PLEKHA5: variants seen among roughly 807,000 people sequenced by gnomAD.
The protein encoded by PLEKHA5 is pleckstrin homology domain containing A5.
A neutral mutation model predicts 181.9 loss-of-function variants in PLEKHA5; 55 were observed. That is an observed-to-expected ratio of 0.30 (90% CI 0.24 to 0.38). The LOEUF is 0.38. Ranked by LOEUF, PLEKHA5 falls within the 10% of genes least tolerant of loss-of-function variation. The probability of loss-of-function intolerance (pLI) is 1.00; values close to 1 mark genes in which losing one functional copy is unlikely to be tolerated. For synonymous variants in PLEKHA5, 535 were observed against 529.4 expected (o/e 1.01, Z -0.15); for missense variants, 1,432 against 1,549.5 (o/e 0.92, Z 1.27).
intron 11 of PLEKHA5, among the ~76,000 whole-genome samples, chr12:19,275,666 G>A (rs1196728750): frequency 6.6e-6 from 1 of 152,082 alleles, no homozygotes; most frequent in Admixed American, 6.6e-5. Flanking sequence ...CTTGGGGGAA[G>A]TTGAAGTGGG....
intron 25 of PLEKHA5, among the ~76,000 whole-genome samples, chr12:19,349,806 A>G (rs2094506247): frequency 1.3e-5 from 2 of 151,262 alleles, no homozygotes; most frequent in Admixed American, 1.3e-4. Flanking sequence ...GTGAAACCCC[A>G]TCTCTACTAA....
chr12:19,365,984 C>T lies in PLEKHA5; in HGVS notation c.3629C>T (p.Thr1210Ile), dbSNP rs754677771. The change falls in exon 30 of 32, where the codon ACC becomes ATC. Residue 1210 changes from threonine (T) to isoleucine (I), a missense_variant. Physicochemically the swap from Thr to Ile is moderately conservative, Grantham distance 89 (BLOSUM62 -1). Around this residue, in one of 2 missense-constraint regions of PLEKHA5, gnomAD observed 1,143 missense variants for 1,168.4 expected, o/e 0.98. Coordinates refer to ENST00000429027, the MANE Select transcript of PLEKHA5 (RefSeq NM_001256470.2). ...VTFSPQDETQ[T>I]ANHKPEEHPE... ...ATCAGCCCTCAAGATGAAACACAGACCGCAAATCATAAACCAGAAGAGCAT... is the reference window on the plus strand; with the variant it reads ...ATCAGCCCTCAAGATGAAACACAGATCGCAAATCATAAACCAGAAGAGCAT... 2 of 1,610,848 alleles carry T rather than the reference C, an allele frequency of 1.2e-6. No homozygotes were observed. The highest frequency in any genetic ancestry group is 1.3e-5 in the African/African-American group (1 of 74,834).
chr12:19,300,370 T>C (rs1379688566), intron 15 of PLEKHA5, among the ~76,000 whole-genome samples: 2 of 152,236 alleles, frequency 1.3e-5, no homozygotes, highest in Non-Finnish European at 2.9e-5. Context: ...AAAATGTCCC[T>C]ACCTATTCTA....
At chr12:19,359,587 A>C (rs1283723979) in intron 28 of PLEKHA5, 41 bp downstream of exon 28, 2 of 1,550,230 alleles carry the variant, frequency 1.3e-6, no homozygotes, top group East Asian at 4.5e-5. Flanking sequence ...AAAGGAATAG[A>C]TTTGTGAAGA....
At chr12:19,357,944 T>C (rs1198099873) in intron 26 of PLEKHA5, among the ~76,000 whole-genome samples, 1 of 127,176 alleles carries the variant, frequency 7.9e-6, no homozygotes, top group Admixed American at 7.7e-5. Context: ...CTGGTCCATA[T>C]TTTTTTTTTA....
At chr12:19,143,638 TTATG>T (rs2038069328) in intron 3 of PLEKHA5, among the ~76,000 whole-genome samples, 1 of 152,136 alleles carries the variant, frequency 6.6e-6, no homozygotes, top group Non-Finnish European at 1.5e-5. Flanking sequence ...TTATGCACAA[TTATG>T]TATGCGGCAC....
chr12:19,275,455 T>G (rs1262899941), intron 11 of PLEKHA5, among the ~76,000 whole-genome samples: 2 of 152,164 alleles, frequency 1.3e-5, no homozygotes, highest in African/African-American at 4.8e-5. Context: ...TTTCTTTAAA[T>G]CAGAATGCAC....
At chr12:19,159,753 G>A (rs1362642616) in intron 3 of PLEKHA5, among the ~76,000 whole-genome samples, 3 of 151,988 alleles carry the variant, frequency 2.0e-5, no homozygotes, top group Non-Finnish European at 4.4e-5. Flanking sequence ...AAGAATGTCA[G>A]GTATAGGTAA....
At chr12:19,243,749 T>C (rs1397950099) in intron 3 of PLEKHA5, among the ~76,000 whole-genome samples, 3 of 152,198 alleles carry the variant, frequency 2.0e-5, no homozygotes, top group African/African-American at 7.2e-5. Flanking sequence ...AAAGGAAATA[T>C]ATACTTTTCA....
Position 19,353,877 on chromosome 12 carries a change from T to G in PLEKHA5, c.3020-7T>G. 7.2e-7 allele frequency: 1 copy of G among 1,395,620 alleles called. No individual in the cohort carries two copies. Among genetic ancestry groups the G allele is most frequent in the East Asian group, 2.3e-5 (1 of 43,846 alleles). The allele number at this position is 1,395,620 out of a possible 1,614,324, so 86.5% of individuals were successfully genotyped here. A position where few individuals can be genotyped will look rare whatever the true frequency, so the allele number is the denominator to read the frequency against. ...TTTGTAAAACTTACTGCTGTTTTAA[T>G]TTTTAGGTTCCCACTTTCCTGTTGG... On this transcript the variant is annotated splice_region_variant and splice_polypyrimidine_tract_variant and intron_variant, in intron 25 of 31. Transcript: ENST00000429027.
intron 16 of PLEKHA5, among the ~76,000 whole-genome samples, chr12:19,319,028 T>C (rs1463920151): frequency 6.7e-6 from 1 of 149,420 alleles, no homozygotes; most frequent in Non-Finnish European, 1.5e-5. Context: ...ATTGTCTTAC[T>C]TTTTTTATCA....
intron 30 of PLEKHA5, among the ~76,000 whole-genome samples, 169 bp downstream of exon 30, chr12:19,366,278 G>T (rs910062317): frequency 6.6e-6 from 1 of 152,112 alleles, no homozygotes; most frequent in Non-Finnish European, 1.5e-5. Flanking sequence ...CCCTGCCAGA[G>T]TCTACCCTGG....
At chr12:19,187,025 G>A (rs1273751910) in intron 3 of PLEKHA5, among the ~76,000 whole-genome samples, 2 of 152,188 alleles carry the variant, frequency 1.3e-5, no homozygotes, top group East Asian at 3.9e-4. Context: ...TGCATTTATT[G>A]GTTCACTGAT....
intron 15 of PLEKHA5, among the ~76,000 whole-genome samples, chr12:19,313,120 C>T (rs1162801771): frequency 3.3e-5 from 5 of 152,010 alleles, no homozygotes; most frequent in African/African-American, 1.2e-4. Flanking sequence ...TCCTGGCTCC[C>T]CCAAAACAAT....
At chr12:19,233,095 G>A (rs1372885049) in intron 3 of PLEKHA5, among the ~76,000 whole-genome samples, 1 of 152,102 alleles carries the variant, frequency 6.6e-6, no homozygotes, top group African/African-American at 2.4e-5. Flanking sequence ...ATATGAGAGA[G>A]AGAAAGACAC....
At chr12:19,323,571 C>A (rs565776112) in intron 20 of PLEKHA5, among the ~76,000 whole-genome samples, 1 of 152,034 alleles carries the variant, frequency 6.6e-6, no homozygotes, top group South Asian at 2.1e-4. Context: ...AATCCCAGGA[C>A]TTTGGGAGGC....
rs572674669 is a variant in PLEKHA5 at position 19,219,644 on chromosome 12, T to C, written c.228-34296T>C. ...GCATGCTAATATAACATTTTACATA[T>C]GCCTTTATTTTTAAAATATGGTTAA... On this transcript the variant is annotated intron_variant, in intron 3 of 31. Coordinates refer to ENST00000429027, the MANE Select transcript of PLEKHA5 (RefSeq NM_001256470.2). Among the ~76,000 whole-genome samples, 5 of 152,256 alleles carry C rather than the reference T, an allele frequency of 3.3e-5. No individual in the cohort carries two copies. The South Asian group carries it at 1.0e-3, about 32-fold the overall frequency.
At chr12:19,319,942 T>C in intron 16 of PLEKHA5, 79 bp from the exon 17 acceptor site, 1 of 909,592 alleles carries the variant, frequency 1.1e-6, no homozygotes, top group Non-Finnish European at 1.6e-6. Flanking sequence ...GTTTATAACA[T>C]AGGCTTTCAG....
At chr12:19,274,073 A>G (rs960015753) in intron 10 of PLEKHA5, among the ~76,000 whole-genome samples, 3 of 152,226 alleles carry the variant, frequency 2.0e-5, no homozygotes, top group Non-Finnish European at 4.4e-5. Flanking sequence ...GCATCAGACT[A>G]TGATTTCCTG....
Sources: gnomAD v4.1 joint callset for allele counts (sites outside exome capture counted in the v4.1 genomes callset) on GRCh38, gnomAD v4.1.1 for gene constraint, gnomAD v4.1.1 regional missense constraint, MANE v1.5 for transcripts, NCBI Gene and HGNC (gene_info 2026-07-23, HGNC 2026-07-21) for gene names.